TAB2: variants seen among roughly 807,000 people sequenced by gnomAD.
TAB2 encodes the protein TGF-beta activated kinase 1 (MAP3K7) binding protein 2.
A neutral mutation model predicts 65.0 loss-of-function variants in TAB2; 3 were observed. The ratio of observed to expected loss-of-function variants is 0.05; its 90% CI spans 0.02 to 0.12. The LOEUF is 0.12. Among genes scored for constraint, TAB2 ranks in the 10% least tolerant of loss-of-function variants. The pLI, the probability that TAB2 is intolerant of heterozygous loss-of-function variation, is 1.00. For missense variants in TAB2, 623 were observed against 840.3 expected (o/e 0.74, Z 3.20); for synonymous variants, 298 against 285.1 (o/e 1.05, Z -0.46).
chr6:149,252,841 T>C (rs983619034), intron 1 of TAB2, among the ~76,000 whole-genome samples: 3 of 152,184 alleles, frequency 2.0e-5, no homozygotes, highest in African/African-American at 7.2e-5. Context: ...AAGGATGGTG[T>C]GTCACTTCCA....
At chr6:149,364,196 T>G (rs1780963896) in intron 1 of TAB2, among the ~76,000 whole-genome samples, 1 of 152,156 alleles carries the variant, frequency 6.6e-6, no homozygotes, top group Non-Finnish European at 1.5e-5. Context: ...ACAATAGCCG[T>G]TTTTTATACA....
At chr6:149,232,391 C>T (rs1777422548) in intron 1 of TAB2, among the ~76,000 whole-genome samples, 1 of 152,180 alleles carries the variant, frequency 6.6e-6, no homozygotes, top group African/African-American at 2.4e-5. Flanking sequence ...CCACGCCCAG[C>T]TAATTTTTGT....
At chr6:149,339,363 G>A (rs778228799) in intron 1 of TAB2, among the ~76,000 whole-genome samples, 10 of 149,438 alleles carry the variant, frequency 6.7e-5, no homozygotes, top group Non-Finnish European at 1.0e-4. Context: ...GTGAGACTCC[G>A]TTTCAAAAAA....
At chr6:149,301,053 C>G (rs761882204) in intron 1 of TAB2, among the ~76,000 whole-genome samples, 1 of 152,206 alleles carries the variant, frequency 6.6e-6, no homozygotes, top group African/African-American at 2.4e-5. Flanking sequence ...CATCTTCCTT[C>G]TCACACTTGG....
chr6:149,404,334 G>T (rs548428373), intron 6 of TAB2, among the ~76,000 whole-genome samples: 1 of 152,192 alleles, frequency 6.6e-6, no homozygotes, highest in South Asian at 2.1e-4. Context: ...TGGATTGGAA[G>T]AATTAATATT....
intron 1 of TAB2, among the ~76,000 whole-genome samples, chr6:149,264,212 C>A (rs1393005390): frequency 4.6e-5 from 7 of 152,150 alleles, no homozygotes; most frequent in African/African-American, 1.7e-4. Flanking sequence ...CCTCATGGCA[C>A]CCTTGCTTGG....
chr6:149,365,642 T>G (rs1223084011), intron 1 of TAB2, among the ~76,000 whole-genome samples: 1 of 152,142 alleles, frequency 6.6e-6, no homozygotes, highest in African/African-American at 2.4e-5. Flanking sequence ...ATTTTAAATC[T>G]GTAAATTTAT....
intron 1 of TAB2, among the ~76,000 whole-genome samples, chr6:149,237,846 C>T (rs186465166): frequency 1.3e-5 from 2 of 152,330 alleles, no homozygotes; most frequent in East Asian, 3.9e-4. Flanking sequence ...CTGCCCCAAG[C>T]ACCACGCCAC....
intron 1 of TAB2, among the ~76,000 whole-genome samples, chr6:149,234,768 T>A (rs1189277150): frequency 6.6e-6 from 1 of 151,196 alleles, no homozygotes; most frequent in Non-Finnish European, 1.5e-5. Context: ...CATAGAACTG[T>A]GTGAGATTTT....
intron 2 of TAB2, among the ~76,000 whole-genome samples, chr6:149,373,593 G>A (rs1334785322): frequency 6.6e-6 from 1 of 152,154 alleles, no homozygotes; most frequent in African/African-American, 2.4e-5. Flanking sequence ...AATGCCATAG[G>A]GTATATATGC....
chr6:149,237,721 G>A (rs935538437), intron 1 of TAB2, among the ~76,000 whole-genome samples: 8 of 152,068 alleles, frequency 5.3e-5, no homozygotes, highest in Non-Finnish European at 8.8e-5. Flanking sequence ...CACACCTAAC[G>A]GCATCACTTT....
intron 1 of TAB2, among the ~76,000 whole-genome samples, chr6:149,324,376 C>A (rs1779539247): frequency 6.6e-6 from 1 of 151,854 alleles, no homozygotes; most frequent in Non-Finnish European, 1.5e-5. Context: ...GTTTATTAAC[C>A]ATCATCTGAA....
chr6:149,376,853 T>A (rs1428568736), intron 2 of TAB2, among the ~76,000 whole-genome samples: 1 of 151,756 alleles, frequency 6.6e-6, no homozygotes, highest in South Asian at 2.1e-4. Context: ...TTAGTTAGTA[T>A]CTTTTGAGAA....
intron 1 of TAB2, among the ~76,000 whole-genome samples, chr6:149,222,443 C>T (rs1777168240): frequency 6.6e-6 from 1 of 151,976 alleles, no homozygotes. Flanking sequence ...CATGGTGAAA[C>T]CCTGTCCCTA....
intron 1 of TAB2, among the ~76,000 whole-genome samples, chr6:149,300,976 G>A (rs2114703195): frequency 6.6e-6 from 1 of 152,332 alleles, no homozygotes; most frequent in Non-Finnish European, 1.5e-5. Context: ...CAGGTGCTAT[G>A]CCATTCAGAG....
chr6:149,340,859 T>A (rs908913844), intron 1 of TAB2, among the ~76,000 whole-genome samples: 1 of 152,156 alleles, frequency 6.6e-6, no homozygotes, highest in African/African-American at 2.4e-5. Context: ...TATAAGGAAA[T>A]CATTTTTTAA....
chr6:149,381,517 ATG>A, intron 3 of TAB2, among the ~76,000 whole-genome samples: 1 of 151,682 alleles, frequency 6.6e-6, no homozygotes, highest in African/African-American at 2.4e-5. Context: ...TTTAACTAGA[ATG>A]TGAAAATAAA....
At position 149,222,799 on chromosome 6, in the gene TAB2, G is replaced by A. The variant is rs546112523; in HGVS notation, c.-121+4023G>A. ...CTGATGCCTGGCCATAGGCAGCAGCGCAAGACTGTGTCTCTCTCTCAATCT... is the reference window on the plus strand; with the variant it reads ...CTGATGCCTGGCCATAGGCAGCAGCACAAGACTGTGTCTCTCTCTCAATCT... On this transcript the variant is annotated intron_variant, in intron 1 of 1. Transcript: ENST00000606202. 7.6e-4 allele frequency among the ~76,000 whole-genome samples: 115 copies of A among 152,108 alleles called. No homozygotes were observed. The South Asian group carries it at 0.012, about 16-fold the overall frequency.
At chr6:149,242,573 T>C (rs1459326720) in intron 1 of TAB2, among the ~76,000 whole-genome samples, 1 of 152,210 alleles carries the variant, frequency 6.6e-6, no homozygotes, top group Non-Finnish European at 1.5e-5. Context: ...CCTCTGAGGT[T>C]GAGCTTCCAA....
Sources: allele counts gnomAD v4.1 joint callset (sites outside exome capture counted in the v4.1 genomes callset), GRCh38; gene constraint gnomAD v4.1.1; transcripts MANE v1.5; gene names NCBI Gene and HGNC (gene_info 2026-07-23, HGNC 2026-07-21).